The following DST variants were observed in gnomAD, a reference collection of about 807,000 sequenced individuals.
DST encodes dystonin.
DST carries 253 observed loss-of-function variants against 875.2 expected under a neutral mutation model. The observed-to-expected ratio is 0.29, with a 90% CI of 0.26 to 0.32. The LOEUF (loss-of-function observed/expected upper bound fraction) is 0.32, where lower values mean the gene tolerates loss of function less well. Ranked by LOEUF, DST falls within the 10% of genes least tolerant of loss-of-function variation. The pLI is 1.00. For missense variants in DST, 8,287 were observed against 9,111.6 expected, an observed-to-expected ratio of 0.91 and a Z score of 3.68; for synonymous variants, 3,124 against 3,197.1, an observed-to-expected ratio of 0.98 and a Z score of 0.77.
At chr6:56,824,338 T>C (rs1305506156) in intron 4 of DST, among the ~76,000 whole-genome samples, 1 of 152,186 alleles carries the variant, frequency 6.6e-6, no homozygotes, top group Non-Finnish European at 1.5e-5. Context: ...TGGAATGCAG[T>C]GGCGTGATCT....
chr6:56,849,142 T>C (rs1763650089), intron 4 of DST, among the ~76,000 whole-genome samples: 2 of 145,478 alleles, frequency 1.4e-5, no homozygotes, highest in African/African-American at 2.6e-5. Context: ...CAATTTTTTT[T>C]TTTTTTTTTT....
chr6:56,616,542 T>C, intron 36 of DST: 1 of 1,614,158 alleles, frequency 6.2e-7, no homozygotes, highest in Non-Finnish European at 8.5e-7. Flanking sequence ...AATACACACA[T>C]TCGCAGTAAT....
At chr6:56,519,732 C>CTGGA (rs200740784) in intron 69 of DST, among the ~76,000 whole-genome samples, 2,540 of 151,042 alleles carry the variant, frequency 0.017, 64 homozygotes, top group African/African-American at 0.058. Context: ...AATTGGGAAC[C>CTGGA]TGGACTTCTA....
chr6:56,874,563 G>A lies in DST; in HGVS notation c.418-22959C>T, dbSNP rs1423051781. On this transcript the variant is annotated intron_variant, in intron 3 of 103. Coordinates refer to ENST00000680361, the MANE Select transcript of DST (RefSeq NM_001374736.1). ...CATTTAATCCCTGCAACAATCTTAT[G>A]AAACGTGCATTGCTATCATTCTCAT... is the stretch of plus-strand genomic sequence containing the variant. Among the ~76,000 whole-genome samples the A allele has an allele frequency of 5.9e-5, 9 of 152,206 alleles. No homozygotes were observed. The East Asian group carries it at 1.7e-3, about 29-fold the overall frequency.
chr6:56,880,485 C>G (rs767257486), intron 3 of DST, among the ~76,000 whole-genome samples: 2 of 151,984 alleles, frequency 1.3e-5, no homozygotes, highest in African/African-American at 2.4e-5. Flanking sequence ...GTCAGGAGTT[C>G]GAGACCAGAC....
intron 61 of DST, among the ~76,000 whole-genome samples, chr6:56,544,070 T>TG (rs2097183279): frequency 6.6e-6 from 1 of 152,188 alleles, no homozygotes; most frequent in East Asian, 1.9e-4. Context: ...ACGTGAAATA[T>TG]TTCAACAAGC....
chr6:56,771,214 A>T (rs1219221527), intron 4 of DST, among the ~76,000 whole-genome samples: 2 of 152,088 alleles, frequency 1.3e-5, no homozygotes, highest in African/African-American at 2.4e-5. Flanking sequence ...TTCCCTTTAT[A>T]TAAGAGTCTC....
At chr6:56,937,581 T>A (rs1813683051) in intron 2 of DST, among the ~76,000 whole-genome samples, 1 of 152,156 alleles carries the variant, frequency 6.6e-6, no homozygotes. Flanking sequence ...GTACAGCCAT[T>A]TAAAAAAACA....
intron 64 of DST, 52 bp downstream of exon 64, chr6:56,532,292 T>C (rs2096909262): frequency 2.6e-6 from 4 of 1,533,160 alleles, no homozygotes; most frequent in African/African-American, 2.7e-5. Flanking sequence ...GTCAGTTTTG[T>C]AGACAGAGGC....
At chr6:56,700,892 G>C (rs575347373) in intron 8 of DST, among the ~76,000 whole-genome samples, 2 of 151,468 alleles carry the variant, frequency 1.3e-5, no homozygotes, top group African/African-American at 4.8e-5. Context: ...ATAGGGAAAA[G>C]CATTTTAATG....
At chr6:56,855,486 C>A (rs562029396) in intron 3 of DST, among the ~76,000 whole-genome samples, 1 of 152,180 alleles carries the variant, frequency 6.6e-6, no homozygotes, top group African/African-American at 2.4e-5. Context: ...GGGGTTAAAT[C>A]AAGGAATAAA....
intron 80 of DST, 49 bp from the exon 81 acceptor site, chr6:56,498,102 TATC>T (rs1319199001): frequency 6.6e-7 from 1 of 1,516,356 alleles, no homozygotes; most frequent in Non-Finnish European, 9.1e-7. Flanking sequence ...AACATGTTAA[TATC>T]ATCTTTAATG....
chr6:56,778,259 A>G (rs2099683500), intron 4 of DST, among the ~76,000 whole-genome samples: 1 of 151,850 alleles, frequency 6.6e-6, no homozygotes, highest in Non-Finnish European at 1.5e-5. Flanking sequence ...AAAATTGTCC[A>G]GGTTATCATG....
intron 2 of DST, among the ~76,000 whole-genome samples, chr6:56,947,532 G>A (rs1189995262): frequency 1.3e-5 from 2 of 152,180 alleles, no homozygotes; most frequent in Non-Finnish European, 2.9e-5. Flanking sequence ...ACAGGCGTGA[G>A]CCACCACGCC....
At chr6:56,717,018 A>G (rs1415878976) in intron 5 of DST, among the ~76,000 whole-genome samples, 2 of 147,828 alleles carry the variant, frequency 1.4e-5, no homozygotes, top group Non-Finnish European at 2.9e-5. Flanking sequence ...CATCTCTACT[A>G]AAAAAATACA....
intron 2 of DST, among the ~76,000 whole-genome samples, chr6:56,920,895 ATTTTTTTTTT>A (rs35394550): frequency 2.7e-4 from 16 of 59,690 alleles, no homozygotes; most frequent in South Asian, 1.9e-3. Flanking sequence ...CGCCCAGCTA[ATTTTTTTTTT>A]TTTTTTTTTT....
chr6:56,816,885 C>CA (rs1307461456), intron 4 of DST, among the ~76,000 whole-genome samples: 1 of 150,624 alleles, frequency 6.6e-6, no homozygotes, highest in African/African-American at 2.4e-5. Context: ...AGCTTGTTAG[C>CA]AATAATGTTC....
At chr6:56,614,777 TAGA>T (rs2098596081) in intron 36 of DST, 1 of 1,032,670 alleles carries the variant, frequency 9.7e-7, no homozygotes, top group Non-Finnish European at 1.2e-6. Flanking sequence ...CATGAGGCAC[TAGA>T]AGATCTTTGA....
chr6:56,861,642 T>C (rs1379125878), intron 3 of DST, among the ~76,000 whole-genome samples: 1 of 152,150 alleles, frequency 6.6e-6, no homozygotes, highest in Non-Finnish European at 1.5e-5. Context: ...TTTCCTGAGG[T>C]GATCTGGACC....
Sources: gnomAD v4.1 joint callset for allele counts (sites outside exome capture counted in the v4.1 genomes callset) on GRCh38, gnomAD v4.1.1 for gene constraint, MANE v1.5 for transcripts, NCBI Gene and HGNC (gene_info 2026-07-23, HGNC 2026-07-21) for gene names.